The following FREM3 variants were observed in gnomAD, a reference collection of about 807,000 sequenced individuals.
FREM3 encodes the protein FRAS1-related extracellular matrix protein 3.
Under a neutral mutation model 129.1 loss-of-function variants are expected in FREM3, and 105 were observed. The ratio of observed to expected loss-of-function variants is 0.81; its 90% CI spans 0.69 to 0.96. FREM3 has a LOEUF of 0.96. Among genes scored for constraint, FREM3 ranks in the 40% least tolerant of loss-of-function variants. The pLI, the probability that FREM3 is intolerant of heterozygous loss-of-function variation, is 0.00. For missense variants in FREM3, 2,593 were observed against 2,666.3 expected (o/e 0.97, Z 0.61); for synonymous variants, 1,014 against 1,044.9 (o/e 0.97, Z 0.57).
chr4:143,610,879 A>T (rs1738744221), intron 6 of FREM3, among the ~76,000 whole-genome samples: 2 of 152,106 alleles, frequency 1.3e-5, no homozygotes, highest in Non-Finnish European at 2.9e-5. Flanking sequence ...GCTCCATCTT[A>T]TCCTTGTGCT....
intron 2 of FREM3, among the ~76,000 whole-genome samples, chr4:143,636,709 C>T (rs977212922): frequency 6.6e-6 from 1 of 151,734 alleles, no homozygotes; most frequent in African/African-American, 2.4e-5. Flanking sequence ...CTAATATAAT[C>T]TCCTCTTTTA....
chr4:143,594,010 C>T (rs978624727), intron 6 of FREM3, among the ~76,000 whole-genome samples: 12 of 152,278 alleles, frequency 7.9e-5, no homozygotes, highest in Middle Eastern at 3.4e-3. Flanking sequence ...GCTCTGTGGG[C>T]GTAGGACCCT....
At chr4:143,693,561 A>G (rs1056780184) in intron 1 of FREM3, among the ~76,000 whole-genome samples, 1 of 152,186 alleles carries the variant, frequency 6.6e-6, no homozygotes, top group Non-Finnish European at 1.5e-5. Context: ...AGAGCTAAAA[A>G]CAGAACTATC....
intron 2 of FREM3, among the ~76,000 whole-genome samples, chr4:143,692,255 C>T (rs1186680029): frequency 2.0e-5 from 3 of 152,072 alleles, no homozygotes; most frequent in African/African-American, 7.2e-5. Context: ...AGGTCACTTA[C>T]TCAAGGTCAC....
At chr4:143,669,746 T>C (rs944830922) in intron 2 of FREM3, among the ~76,000 whole-genome samples, 2 of 151,972 alleles carry the variant, frequency 1.3e-5, no homozygotes, top group Non-Finnish European at 2.9e-5. Context: ...TTGCCTATAG[T>C]TTTTGCTTTA....
Position 143,611,381 on chromosome 4 carries a change from C to A in FREM3, c.5926G>T (p.Glu1976Ter), listed in dbSNP as rs781351513. ...AGTGAAACGCTGAAGGATTCCTCCT[C>A]TTCATAAAGGGAGTCATCAATGATC... ...VLIIDDSLYEEEESFSVSLRL... is the reference protein window; with the variant it reads ...VLIIDDSLYE Residue 1976 changes from glutamate (E) to a stop codon, truncating the protein, a stop_gained, in exon 6 of 8, where the codon GAG becomes TAG. Coordinates refer to ENST00000329798, the MANE Select transcript of FREM3 (RefSeq NM_001168235.2). LOFTEE classifies it high-confidence loss of function. 55 of 1,537,180 alleles carry A rather than the reference C, an allele frequency of 3.6e-5. No individual in the cohort carries two copies. Among genetic ancestry groups the A allele is most frequent in the Non-Finnish European group, 4.6e-5 (53 of 1,146,844 alleles).
rs1382207835 is a variant in FREM3, at chr4:143,594,601, T to C, written c.6029-8608A>G. Among the ~76,000 whole-genome samples, 3 of 152,198 alleles carry C rather than the reference T, an allele frequency of 2.0e-5. No homozygotes were observed. The South Asian group carries it at 6.2e-4, about 32-fold the overall frequency. On this transcript the variant is annotated intron_variant, in intron 6 of 7. Transcript: ENST00000329798. ...ACCTACATTTTTAGCAGAGGAATTATATTGTGTGGCATTGGGGAAGGGCAA... is the reference window on the plus strand; with the variant it reads ...ACCTACATTTTTAGCAGAGGAATTACATTGTGTGGCATTGGGGAAGGGCAA...
chr4:143,680,729 A>G (rs1260929191), intron 2 of FREM3, among the ~76,000 whole-genome samples: 4 of 152,102 alleles, frequency 2.6e-5, no homozygotes, highest in Admixed American at 2.6e-4. Flanking sequence ...TAATTTGACT[A>G]CCTAGAGACA....
At chr4:143,625,890 T>C (rs528317953) in intron 3 of FREM3, among the ~76,000 whole-genome samples, 55 of 152,120 alleles carry the variant, frequency 3.6e-4, no homozygotes, top group African/African-American at 8.0e-4. Flanking sequence ...CTGTGCTAGA[T>C]TGATTTATAA....
chr4:143,651,682 C>T (rs537201486), intron 2 of FREM3, among the ~76,000 whole-genome samples: 14 of 152,136 alleles, frequency 9.2e-5, no homozygotes, highest in African/African-American at 1.4e-4. Context: ...CAAAAAGACT[C>T]GGCCAACACA....
In FREM3 at chr4:143,698,031, C is replaced by A. The variant is rs779523770; in HGVS notation, c.2645G>T (p.Arg882Ile). The change falls in exon 1 of 8, where the codon AGA (arginine) becomes ATA (isoleucine). Residue 882 changes from arginine to isoleucine, a missense_variant. Transcript: ENST00000329798. ...PQHGHLQYFK[R>I]CMVPGESFMQ... is the part of the protein sequence containing the mutation. ...GAAAGATTCCCCTGGGACCATACAT[C>A]TTTTAAAGTACTGCAAGTGTCCATG... is the stretch of plus-strand genomic sequence containing the variant. 10 of 1,537,234 alleles carry A rather than the reference C, an allele frequency of 6.5e-6. No individual in the cohort carries two copies. Among genetic ancestry groups the A allele is most frequent in the East Asian group, 2.4e-5 (1 of 40,926 alleles).
Position 143,585,938 on chromosome 4 carries a change from G to C in FREM3, c.6084C>G (p.Tyr2028Ter), listed in dbSNP as rs1321710287. Residue 2028 changes from tyrosine (Y) to a stop codon, truncating the protein, a stop_gained, in exon 7 of 8, where the codon TAC (tyrosine) becomes TAG (stop). Transcript: ENST00000329798. LOFTEE classifies it high-confidence loss of function. The surrounding 1 kb of genome is among the most constrained non-coding windows in gnomAD (Gnocchi z 4.2). The stretch of plus-strand genomic sequence containing the variant: ...CTCTTCTCCAAACACAAACCTCCAC[G>C]TAGCGAGCACTTTCATTGACGTGAT... ...AEYHVNESAR[Y>*]VEVCVWRRGT... The C allele has an allele frequency of 2.6e-6, 4 of 1,537,398 alleles. No individual in the cohort carries two copies. The highest frequency in any genetic ancestry group is 3.5e-6 in the Non-Finnish European group (4 of 1,146,982).
chr4:143,621,432 CT>C (rs1296019161), intron 4 of FREM3, among the ~76,000 whole-genome samples: 3 of 152,012 alleles, frequency 2.0e-5, no homozygotes, highest in African/African-American at 2.4e-5. Context: ...AATTTCATGT[CT>C]TTTTTTTCTT....
Position 143,695,899 on chromosome 4 carries a change from C to T in FREM3, c.4777G>A (p.Val1593Met), listed in dbSNP as rs761339024. 59 of 1,537,494 alleles carry T rather than the reference C, an allele frequency of 3.8e-5. No individual in the cohort carries two copies. The highest frequency in any genetic ancestry group is 1.7e-4 in the Middle Eastern group (1 of 6,016). The change falls in exon 1 of 8, where the codon GTG (valine) becomes ATG (methionine). Residue 1593 changes from valine to methionine, a missense_variant. By Grantham distance (21) the Val-to-Met change is conservative. Transcript: ENST00000329798. ...AGGTCTTGCTTGGTGAAAGTGGTCA[C>T]GGGACGGCTACCATTGTACAAAATC... ...GKILYNGSRP[V>M]TTFTKQDLNK...
chr4:143,605,930 T>C (rs1044104123), intron 6 of FREM3, among the ~76,000 whole-genome samples: 5 of 152,230 alleles, frequency 3.3e-5, no homozygotes, highest in Non-Finnish European at 5.9e-5. Context: ...AGGTTACTTA[T>C]ATTGGCTCAT....
At chr4:143,665,800 G>A (rs1739848203) in intron 2 of FREM3, among the ~76,000 whole-genome samples, 1 of 152,084 alleles carries the variant, frequency 6.6e-6, no homozygotes, top group Non-Finnish European at 1.5e-5. Flanking sequence ...CATGTTTCAA[G>A]AACTATCTGG....
In FREM3 at chr4:143,597,580, A is replaced by G. The variant is rs149939741; in HGVS notation, c.6029-11587T>C. On this transcript the variant is annotated intron_variant, in intron 6 of 7. Coordinates refer to ENST00000329798, the MANE Select transcript of FREM3 (RefSeq NM_001168235.2). The stretch of plus-strand genomic sequence containing the variant: ...AATACATTCAGTACAGTTGCAAAAT[A>G]CAAATCAACATACAAAAATCACTAG... 3.4e-3 allele frequency among the ~76,000 whole-genome samples: 518 copies of G among 152,336 alleles called. 5 individuals carry two copies. Among genetic ancestry groups the G allele is most frequent in the African/African-American group, 0.012 (507 of 41,580 alleles).
intron 2 of FREM3, among the ~76,000 whole-genome samples, chr4:143,630,534 G>T (rs1739118015): frequency 6.6e-6 from 1 of 152,108 alleles, no homozygotes; most frequent in African/African-American, 2.4e-5. Flanking sequence ...ATTTTAGTAT[G>T]CCTTGAGCAA....
intron 6 of FREM3, among the ~76,000 whole-genome samples, chr4:143,606,031 A>G (rs1738662591): frequency 6.6e-6 from 1 of 151,982 alleles, no homozygotes; most frequent in Non-Finnish European, 1.5e-5. Context: ...AGCCCCTTTT[A>G]TTTCAGTTTT....
Sources: gnomAD v4.1 joint callset for allele counts (sites outside exome capture counted in the v4.1 genomes callset) on GRCh38, gnomAD v4.1.1 for gene constraint, Gnocchi (gnomAD v3.1) non-coding constraint, MANE v1.5 for transcripts, NCBI Gene and HGNC (gene_info 2026-07-23, HGNC 2026-07-21) for gene names.